DMD: variants seen among roughly 807,000 people sequenced by gnomAD.
DMD encodes dystrophin.
A neutral mutation model predicts 330.1 loss-of-function variants in DMD; 63 were observed. The ratio of observed to expected loss-of-function variants is 0.19; its 90% confidence interval spans 0.16 to 0.24. The LOEUF (loss-of-function observed/expected upper bound fraction) is 0.24, where lower values mean the gene tolerates loss of function less well. Ranked by LOEUF, DMD falls within the 10% of genes least tolerant of loss-of-function variation. The probability of loss-of-function intolerance (pLI) is 1.00; values close to 1 mark genes in which losing one functional copy is unlikely to be tolerated. For synonymous variants in DMD, 1,223 were observed against 959.8 expected (o/e 1.27, Z -5.07); for missense variants, 3,344 against 2,684.1 (o/e 1.25, Z -5.43).
intron 59 of DMD, among the ~76,000 whole-genome samples, chrX:31,470,484 AAC>A (rs2067214399): frequency 8.9e-6 from 1 of 111,854 alleles, no homozygotes; most frequent in African/African-American, 3.3e-5. Context: ...GAAGCTGCAG[AAC>A]AGCAAAGATT....
At chrX:32,563,332 G>C (rs2051269786) in intron 16 of DMD, among the ~76,000 whole-genome samples, 1 of 69,856 alleles carries the variant, frequency 1.4e-5, no homozygotes, top group Non-Finnish European at 2.6e-5. Context: ...GACACAGTGA[G>C]ACTCCATCTC....
rs751428005 is a variant in DMD, at chrX:32,479,940, A to G, written c.2803+4979T>C. ...GCATCAAACTAAAAAGCTCCTGCAC[A>G]GGAAAGGAAACTATTAACAGAGTGA... On this transcript the variant is annotated intron_variant, in intron 21 of 78. Transcript: ENST00000357033. 2.7e-5 allele frequency among the ~76,000 whole-genome samples: 3 copies of G among 111,411 alleles called. No individual in the cohort carries two copies. In the East Asian group the frequency reaches 8.5e-4, roughly 32 times the overall value.
intron 1 of DMD, among the ~76,000 whole-genome samples, chrX:33,122,650 T>C (rs192722268): frequency 1.8e-5 from 2 of 112,738 alleles, no homozygotes; most frequent in South Asian, 3.6e-4. Context: ...ATGAGTTTAA[T>C]TAAAAAGAAC....
intron 57 of DMD, among the ~76,000 whole-genome samples, chrX:31,494,155 C>CAAAA (rs753929470): frequency 2.0e-5 from 1 of 49,837 alleles, no homozygotes; most frequent in African/African-American, 7.8e-5. Context: ...GACCCAGTCT[C>CAAAA]AAAAAAAAAA....
At chrX:32,516,947 AGTT>A (rs1196921950) in intron 18 of DMD, 1 of 111,921 alleles carries the variant, frequency 8.9e-6, no homozygotes, top group Non-Finnish European at 1.9e-5. Flanking sequence ...ATTTATAAGT[AGTT>A]AACTCTAAGA....
chrX:31,705,820 C>T (rs748141342), intron 52 of DMD, among the ~76,000 whole-genome samples: 1 of 111,671 alleles, frequency 9.0e-6, no homozygotes, highest in African/African-American at 3.2e-5. Flanking sequence ...AGGTGAGAGG[C>T]CAGAGCTGTC....
chrX:31,843,503 G>A (rs934466193), intron 48 of DMD, among the ~76,000 whole-genome samples: 11 of 111,893 alleles, frequency 9.8e-5, no homozygotes, highest in South Asian at 3.7e-4. Flanking sequence ...TTAGCCACCC[G>A]TTTGTCTTCT....
intron 2 of DMD, among the ~76,000 whole-genome samples, chrX:32,904,105 T>C (rs1418103038): frequency 8.9e-6 from 1 of 112,347 alleles, no homozygotes; most frequent in Admixed American, 9.5e-5. Flanking sequence ...ACAGTCATTA[T>C]GAAAATCTAG....
intron 2 of DMD, among the ~76,000 whole-genome samples, chrX:32,957,718 C>A (rs754601705): frequency 4.0e-4 from 45 of 111,652 alleles, no homozygotes; most frequent in African/African-American, 1.4e-3. Flanking sequence ...TTTTTAGAGC[C>A]AGGGCACAGC....
chrX:32,750,924 G>T (rs1407869834), intron 7 of DMD, among the ~76,000 whole-genome samples: 1 of 111,455 alleles, frequency 9.0e-6, no homozygotes, highest in African/African-American at 3.3e-5. Context: ...TTGTAAGGGG[G>T]AGTTTCCCCA....
At chrX:32,991,639 CT>C (rs201662077) in intron 2 of DMD, among the ~76,000 whole-genome samples, 4 of 111,726 alleles carry the variant, frequency 3.6e-5, no homozygotes, top group Admixed American at 9.6e-5. Context: ...TACATGTATA[CT>C]TTTTTTATTG....
intron 2 of DMD, among the ~76,000 whole-genome samples, chrX:32,878,792 G>T (rs1185651057): frequency 1.8e-5 from 2 of 108,884 alleles, no homozygotes; most frequent in Non-Finnish European, 3.8e-5. Flanking sequence ...GGTGGATCAC[G>T]AGGTCAGGAG....
intron 1 of DMD, among the ~76,000 whole-genome samples, chrX:33,233,898 G>T (rs762908113): frequency 3.6e-5 from 4 of 112,301 alleles, no homozygotes. Context: ...TACAATTGGG[G>T]ATAACCGAGC....
intron 7 of DMD, among the ~76,000 whole-genome samples, chrX:32,799,808 T>C (rs2076420620): frequency 9.0e-6 from 1 of 111,218 alleles, no homozygotes; most frequent in African/African-American, 3.3e-5. Flanking sequence ...AAGTTTACCC[T>C]AGATGTACTT....
intron 2 of DMD, among the ~76,000 whole-genome samples, chrX:32,856,557 G>A (rs995725186): frequency 6.3e-5 from 7 of 111,947 alleles, no homozygotes; most frequent in African/African-American, 2.3e-4. Context: ...AAATAAGCCA[G>A]GCACAAAAAC....
chrX:32,339,760 G>A (rs775007139), intron 41 of DMD, among the ~76,000 whole-genome samples: 6 of 111,741 alleles, frequency 5.4e-5, no homozygotes, highest in Non-Finnish European at 9.4e-5. Context: ...TAAGAGTACC[G>A]CTTACTATTT....
In DMD at chrX:32,068,373, C is replaced by CTTT. The variant is rs1569539146; in HGVS notation, c.6439-99860_6439-99859insAAA. ...TTTATTTTAGTAAGTCCTTGCTTGT[C>CTTT]ATTTTTTTTTTTTTTTTTTTTTTGC... On this transcript the variant is annotated intron_variant, in intron 44 of 78. Transcript: ENST00000357033. Among the ~76,000 whole-genome samples the CTTT allele has an allele frequency of 1.9e-3, 112 of 60,427 alleles. 2 individuals are homozygous for CTTT. The highest frequency in any genetic ancestry group is 7.5e-3 in the African/African-American group (98 of 13,038). 52.5% of individuals were successfully genotyped at this position (60,427 alleles called of 115,157 possible). A position where few individuals can be genotyped will look rare whatever the true frequency, so the allele number is the denominator to read the frequency against.
intron 6 of DMD, among the ~76,000 whole-genome samples, chrX:32,813,708 CA>C (rs1366216122): frequency 9.0e-6 from 1 of 111,229 alleles, no homozygotes; most frequent in Non-Finnish European, 1.9e-5. Context: ...ACTACTGATG[CA>C]AACAGAATGT....
At chrX:31,900,860 T>C (rs747709068) in intron 47 of DMD, among the ~76,000 whole-genome samples, 5 of 111,723 alleles carry the variant, frequency 4.5e-5, no homozygotes, top group African/African-American at 1.3e-4. Flanking sequence ...CTCCAGTCTC[T>C]ACCTGCTGTA....
Sources: allele counts gnomAD v4.1 joint callset (sites outside exome capture counted in the v4.1 genomes callset), GRCh38; gene constraint gnomAD v4.1.1; transcripts MANE v1.5; gene names NCBI Gene and HGNC (gene_info 2026-07-23, HGNC 2026-07-21).